GRIK2: variants seen among roughly 807,000 people sequenced by gnomAD.
GRIK2 encodes the protein glutamate receptor ionotropic, kainate 2.
A neutral mutation model predicts 100.3 loss-of-function variants in GRIK2; 32 were observed. The ratio of observed to expected loss-of-function variants is 0.32; its 90% CI spans 0.24 to 0.43. The LOEUF (loss-of-function observed/expected upper bound fraction) is 0.43, where lower values mean the gene tolerates loss of function less well. Ranked by LOEUF, GRIK2 falls within the 20% of genes least tolerant of loss-of-function variation. The pLI, the probability that GRIK2 is intolerant of heterozygous loss-of-function variation, is 1.00. For missense variants in GRIK2, 843 were observed against 1,114.9 expected, an observed-to-expected ratio of 0.76 and a Z score of 3.47; for synonymous variants, 417 against 389.4, an observed-to-expected ratio of 1.07 and a Z score of -0.83.
intron 7 of GRIK2, 133 bp from the exon 8 acceptor site, chr6:101,799,515 C>G (rs557970775): frequency 3.7e-4 from 249 of 664,138 alleles, no homozygotes; most frequent in Non-Finnish European, 4.3e-4. Flanking sequence ...TTAGAGATAA[C>G]GTTTTCTTCT....
At chr6:101,799,539 A>C in intron 7 of GRIK2, 109 bp from the exon 8 acceptor site, 1 of 772,668 alleles carries the variant, frequency 1.3e-6, no homozygotes, top group South Asian at 1.7e-5. Context: ...TACAAAGAAA[A>C]ATGGGATATA....
At chr6:101,804,265 A>T (rs1780849166) in intron 9 of GRIK2, among the ~76,000 whole-genome samples, 1 of 152,006 alleles carries the variant, frequency 6.6e-6, no homozygotes, top group South Asian at 2.1e-4. Flanking sequence ...GTTTGATTTT[A>T]TCATTACACA....
At chr6:101,675,020 G>T (rs1202649388) in intron 4 of GRIK2, among the ~76,000 whole-genome samples, 1 of 151,976 alleles carries the variant, frequency 6.6e-6, no homozygotes. Context: ...TCATTTATTT[G>T]TGATAAGAAC....
intron 9 of GRIK2, among the ~76,000 whole-genome samples, chr6:101,805,316 A>G (rs1180190291): frequency 1.3e-5 from 2 of 151,184 alleles, no homozygotes; most frequent in Non-Finnish European, 3.0e-5. Flanking sequence ...ATCACCTTAA[A>G]AAAAAAAAAA....
chr6:101,466,032 C>T (rs1771629464), intron 2 of GRIK2, among the ~76,000 whole-genome samples: 3 of 152,034 alleles, frequency 2.0e-5, no homozygotes, highest in Admixed American at 2.0e-4. Context: ...AAGTCTTGGC[C>T]TCCAGTCAAT....
At chr6:101,955,606 CTCTCTCTCT>C in intron 14 of GRIK2, among the ~76,000 whole-genome samples, 5 of 123,064 alleles carry the variant, frequency 4.1e-5, no homozygotes, top group African/African-American at 1.1e-4. Flanking sequence ...CTCTCTCTCT[CTCTCTCTCT>C]CCCCCCCATT....
At chr6:102,023,549 T>G (rs1469199406) in intron 14 of GRIK2, among the ~76,000 whole-genome samples, 1 of 151,516 alleles carries the variant, frequency 6.6e-6, no homozygotes, top group African/African-American at 2.4e-5. Context: ...TATTTTTCTC[T>G]GTAAAGTAAA....
intron 7 of GRIK2, among the ~76,000 whole-genome samples, chr6:101,724,473 G>A (rs1052745963): frequency 1.3e-5 from 2 of 151,856 alleles, no homozygotes; most frequent in South Asian, 2.1e-4. Context: ...GAGTAAATTT[G>A]CTTAGGATAA....
At chr6:101,512,294 A>G (rs2128278491) in intron 2 of GRIK2, among the ~76,000 whole-genome samples, 1 of 152,106 alleles carries the variant, frequency 6.6e-6, no homozygotes. Flanking sequence ...TTTGGCTAAA[A>G]CAGAAATAGG....
At chr6:101,950,225 T>TTTTC (rs146401667) in intron 14 of GRIK2, among the ~76,000 whole-genome samples, 5,053 of 152,222 alleles carry the variant, frequency 0.033, 297 homozygotes, top group African/African-American at 0.12. Context: ...TAATAAATCA[T>TTTTC]TTTCTAAAAT....
chr6:102,064,363 CTTCTTTCT>C (rs140157701), intron 16 of GRIK2, among the ~76,000 whole-genome samples: 4,787 of 142,266 alleles, frequency 0.034, 274 homozygotes, highest in African/African-American at 0.12. Context: ...TCCTTCCTTC[CTTCTTTCT>C]TTCTTTCTTT....
At chr6:101,763,173 G>A (rs1182459018) in intron 7 of GRIK2, among the ~76,000 whole-genome samples, 3 of 152,200 alleles carry the variant, frequency 2.0e-5, no homozygotes, top group Non-Finnish European at 4.4e-5. Flanking sequence ...GGTCTTGGCA[G>A]AAAATCAAAG....
At chr6:101,738,198 CAATTGTCAAATGTCAATTGT>C (rs1177232745) in intron 7 of GRIK2, among the ~76,000 whole-genome samples, 3 of 148,898 alleles carry the variant, frequency 2.0e-5, no homozygotes, top group African/African-American at 7.3e-5. Context: ...TTGTAATTGA[CAATTGTCAAATGTCAATTGT>C]AATTGACAAT....
intron 7 of GRIK2, among the ~76,000 whole-genome samples, chr6:101,706,147 A>G (rs1245845852): frequency 1.3e-5 from 2 of 151,878 alleles, no homozygotes; most frequent in African/African-American, 4.8e-5. Flanking sequence ...TCAGAGACAG[A>G]TTTATCATGT....
chr6:101,561,315 G>A (rs923432483), intron 2 of GRIK2, among the ~76,000 whole-genome samples: 6 of 151,734 alleles, frequency 4.0e-5, no homozygotes, highest in African/African-American at 1.5e-4. Context: ...TACAGAATTG[G>A]GAGCTAAAAA....
At chr6:101,914,487 G>A (rs76685009) in intron 12 of GRIK2, among the ~76,000 whole-genome samples, 6,888 of 151,448 alleles carry the variant, frequency 0.045, 235 homozygotes, top group Admixed American at 0.11. Context: ...CAAGAAAAGA[G>A]CAAATAGGCT....
At chr6:101,591,612 A>G (rs985144773) in intron 2 of GRIK2, among the ~76,000 whole-genome samples, 2 of 152,024 alleles carry the variant, frequency 1.3e-5, no homozygotes, top group Admixed American at 1.3e-4. Flanking sequence ...ACAGTATATA[A>G]TAGTCCCATA....
chr6:101,622,262 T>G (rs2128317030), intron 3 of GRIK2, 146 bp downstream of exon 3: 1 of 544,222 alleles, frequency 1.8e-6, no homozygotes, highest in East Asian at 2.9e-5. Flanking sequence ...GCATATAAAT[T>G]TTATCAGAGA....
At chr6:101,651,539 G>GAA (rs553202507) in intron 4 of GRIK2, among the ~76,000 whole-genome samples, 1 of 152,030 alleles carries the variant, frequency 6.6e-6, no homozygotes, top group African/African-American at 2.4e-5. Flanking sequence ...AAGTGCAACA[G>GAA]AAAAAAATAG....
Sources: gnomAD v4.1 joint callset for allele counts (sites outside exome capture counted in the v4.1 genomes callset) on GRCh38, gnomAD v4.1.1 for gene constraint, MANE v1.5 for transcripts, NCBI Gene and HGNC (gene_info 2026-07-23, HGNC 2026-07-21) for gene names.